TAOK2: variants seen among roughly 807,000 people sequenced by gnomAD.
TAOK2 encodes TAO kinase 2.
TAOK2 carries 42 observed loss-of-function variants against 122.5 expected under a neutral mutation model. The ratio of observed to expected loss-of-function variants is 0.34; its 90% CI spans 0.27 to 0.44. The LOEUF is 0.44. TAOK2 is among the 20% of genes least tolerant of loss of function. The pLI is 1.00. For missense variants in TAOK2, 1,264 were observed against 1,644.9 expected (o/e 0.77, Z 4.01); for synonymous variants, 704 against 677.6 (o/e 1.04, Z -0.61).
rs1272669977 is a variant in TAOK2 at position 29,987,434 on chromosome 16, A to G, written c.3162A>G (p.Pro1054=). The change falls in exon 16 of 16, where the codon CCA becomes CCG. Residue 1054 remains proline, a synonymous_variant. Coordinates refer to ENST00000308893, the MANE Select transcript of TAOK2 (RefSeq NM_016151.4). ...GAGCTGCCTGGCTCTTAGCTTGGCC[A>G]GGCCTAGCTCTACCTCTGGTGGCTA... ...GLGAAWLLAW[P]GLALPLVAMA... 1 of 1,602,548 alleles carries G rather than the reference A, an allele frequency of 6.2e-7. No homozygotes were observed. The highest frequency in any genetic ancestry group is 8.5e-7 in the Non-Finnish European group (1 of 1,172,860).
downstream of TAOK2, chr16:29,989,000 G>T (rs1468291164): frequency 1.0e-6 from 1 of 985,188 alleles, no homozygotes; most frequent in Non-Finnish European, 1.2e-6. Flanking sequence ...CCCAAAATGG[G>T]GCAGCCCCTT....
In TAOK2 at chr16:29,988,165, A is replaced by G. The variant is rs2069875018; in HGVS notation, c.*185A>G. 2.1e-6 allele frequency: 3 copies of G among 1,431,204 alleles called. No homozygotes were observed. Among genetic ancestry groups the G allele is most frequent in the Non-Finnish European group, 2.7e-6 (3 of 1,098,108 alleles). 88.7% of individuals were successfully genotyped at this position (1,431,204 alleles called of 1,614,324 possible). On this transcript the variant is annotated 3_prime_UTR_variant, in exon 16 of 16. Transcript: ENST00000308893. ...TCCTCAGCTGTGGAGTCCAGCAGTC[A>G]CTCTGTGTTCTCCTGGCGCTCCTCC...
At chr16:29,988,915 A>G (rs376490236), downstream of TAOK2, 233 of 985,352 alleles carry the variant, frequency 2.4e-4, 3 homozygotes, top group African/African-American at 3.8e-3. Context: ...GGATCTGGTC[A>G]GGGTGGTAGC....
rs769442595 is a variant in TAOK2 at position 29,987,224 on chromosome 16, C to G, written c.2952C>G (p.Gly984=). ...TGCTGGCAGCCCAGGGTGGGGGTGG[C>G]CTGCAGGCAGCGCTGCTGGCCCTTG... The part of the protein sequence containing the change: ...LPLLAAQGGG[G]LQAALLALEV... Residue 984 remains glycine, a synonymous_variant, in exon 16 of 16, where the codon GGC becomes GGG. Transcript: ENST00000308893. 1.3e-6 allele frequency: 2 copies of G among 1,542,958 alleles called. No homozygotes were observed. The highest frequency in any genetic ancestry group is 2.8e-5 in the African/African-American group (2 of 72,240).
At chr16:29,988,882 T>C (rs569611995), downstream of TAOK2, 83 of 985,126 alleles carry the variant, frequency 8.4e-5, no homozygotes, top group African/African-American at 1.4e-3. Context: ...GAGCTGAGTG[T>C]GTGAGGGGCC....
At chr16:29,983,789 G>C in intron 13 of TAOK2, 125 bp downstream of exon 13, 1 of 1,427,390 alleles carries the variant, frequency 7.0e-7, no homozygotes, top group East Asian at 2.3e-5. Context: ...TTCTGTTGCT[G>C]GCTCCTGCCT....
chr16:29,991,923 CAGTG>C (rs2069979387), downstream of TAOK2: 1 of 180,602 alleles, frequency 5.5e-6, no homozygotes. This position sits in a 1 kb window ranked among gnomAD's most constrained non-coding sequence, Gnocchi z 5.6. Context: ...ACTACCCTCA[CAGTG>C]AGGCCCTCAG....
In TAOK2 at chr16:29,983,068, G is replaced by A. The variant is rs749481985; in HGVS notation, c.1000-4G>A. On this transcript the variant is annotated splice_region_variant and splice_polypyrimidine_tract_variant and intron_variant, in intron 11 of 15. Transcript: ENST00000308893. ...CTGTCCAGCAGCCTACGCCCTGTTC[G>A]CAGGAGGCCGAGCCCTACATGCACC... is the stretch of plus-strand genomic sequence containing the variant. The A allele has an allele frequency of 5.6e-6, 9 of 1,613,626 alleles. No homozygotes were observed. The highest frequency in any genetic ancestry group is 1.3e-5 in the African/African-American group (1 of 74,852).
Position 29,978,794 on chromosome 16 carries a change from C to T in TAOK2, c.307-5C>T. ...TCTGATCTCTGACCCTTGTCTCTTC[C>T]TTAGCTGGTAATGGAGTATTGCCTG... is the stretch of plus-strand genomic sequence containing the variant. On this transcript the variant is annotated splice_region_variant and splice_polypyrimidine_tract_variant and intron_variant, in intron 4 of 15. Coordinates refer to ENST00000308893, the MANE Select transcript of TAOK2 (RefSeq NM_016151.4). 6.2e-7 allele frequency: 1 copy of T among 1,614,094 alleles called. No homozygotes were observed. The highest frequency in any genetic ancestry group is 8.5e-7 in the Non-Finnish European group (1 of 1,180,018).
intron 4 of TAOK2, among the ~76,000 whole-genome samples, chr16:29,978,566 T>G (rs1029043437): frequency 2.0e-5 from 3 of 152,122 alleles, no homozygotes; most frequent in African/African-American, 7.2e-5. Flanking sequence ...CAGGTCACTG[T>G]GGGCTGGAGA....
downstream of TAOK2, chr16:29,990,125 G>T (rs995465780): frequency 1.7e-5 from 5 of 291,366 alleles, no homozygotes; most frequent in African/African-American, 8.6e-5. Flanking sequence ...ATTAAAGTGA[G>T]TGTGGCCCTC....
downstream of TAOK2, chr16:29,990,939 G>A (rs779811486): frequency 7.4e-6 from 12 of 1,612,646 alleles, no homozygotes; most frequent in African/African-American, 1.1e-4. Context: ...AGAGGGTCGC[G>A]CTGCGGCGGG....
chr16:29,988,905 G>A (rs555228623), downstream of TAOK2: 114 of 985,366 alleles, frequency 1.2e-4, 2 homozygotes, highest in South Asian at 4.2e-3. Context: ...GCTGGAATGC[G>A]GATCTGGTCA....
rs533483756 is a variant in TAOK2, at chr16:29,979,865, A to G, written c.655+357A>G. ...AACCAGGCAGGCATGTTTTCTTTCA[A>G]TGTGATGAACGCTGTGTGGAGAAGT... is the stretch of plus-strand genomic sequence containing the variant. On this transcript the variant is annotated intron_variant, in intron 8 of 15. Coordinates refer to ENST00000308893, the MANE Select transcript of TAOK2 (RefSeq NM_016151.4). The surrounding 1 kb of genome is among the most constrained non-coding windows in gnomAD (Gnocchi z 4.1). 2.0e-5 allele frequency among the ~76,000 whole-genome samples: 3 copies of G among 152,340 alleles called. No homozygotes were observed. The highest frequency in any genetic ancestry group is 3.9e-4 in the East Asian group (2 of 5,184).
chr16:29,975,926 C>T (rs935885093), intron 1 of TAOK2, among the ~76,000 whole-genome samples: 4 of 152,218 alleles, frequency 2.6e-5, no homozygotes, highest in African/African-American at 9.7e-5. Context: ...AGCCCTGTTG[C>T]TGTACATTGC....
rs762500983 is a variant in TAOK2, at chr16:29,988,384, C to T, written c.*404C>T. On this transcript the variant is annotated 3_prime_UTR_variant, in exon 16 of 16. Coordinates refer to ENST00000308893, the MANE Select transcript of TAOK2 (RefSeq NM_016151.4). ...AAAAAGACAAACACAAATAAAATATCTGAGCGGAACTGTGCCTTTGGCCCA... is the reference window on the plus strand; with the variant it reads ...AAAAAGACAAACACAAATAAAATATTTGAGCGGAACTGTGCCTTTGGCCCA... The T allele has an allele frequency of 7.6e-7, 1 of 1,312,442 alleles. No individual in the cohort carries two copies. The highest frequency in any genetic ancestry group is 1.0e-6 in the Non-Finnish European group (1 of 1,004,802). The allele number at this position is 1,312,442 out of a possible 1,614,324, so 81.3% of individuals were successfully genotyped here.
At chr16:29,989,888 G>T, downstream of TAOK2, 1 of 1,423,428 alleles carries the variant, frequency 7.0e-7, no homozygotes, top group Non-Finnish European at 9.6e-7. Context: ...TGCAGGGCAT[G>T]CACAGAGCTG....
In TAOK2 at chr16:29,987,501, G is replaced by C. The variant is rs756165206; in HGVS notation, c.3229G>C (p.Val1077Leu). The C allele has an allele frequency of 3.1e-6, 5 of 1,599,630 alleles. No individual in the cohort carries two copies. The highest frequency in any genetic ancestry group is 4.3e-6 in the Non-Finnish European group (5 of 1,171,614). ...ATGGGTGCGGCAGCAGGGCCCCCGG[G>C]TGCGCCGGGGCATATCTCGACTCTG... is the stretch of plus-strand genomic sequence containing the variant. ...GRWVRQQGPR[V>L]RRGISRLWLR... Residue 1077 changes from valine to leucine, a missense_variant, in exon 16 of 16, where the codon GTG becomes CTG. By Grantham distance (32) the Val-to-Leu change is conservative. Transcript: ENST00000308893.
rs563932924 is a variant in TAOK2, at chr16:29,979,899, C to T, written c.655+391C>T. Among the ~76,000 whole-genome samples, 5 of 152,250 alleles carry T rather than the reference C, an allele frequency of 3.3e-5. No homozygotes were observed. The highest frequency in any genetic ancestry group is 3.9e-4 in the East Asian group (2 of 5,180). On this transcript the variant is annotated intron_variant, in intron 8 of 15. Transcript: ENST00000308893. This position sits in a 1 kb window ranked among gnomAD's most constrained non-coding sequence, Gnocchi z 4.1. ...ACGCTGTGTGGAGAAGTTACAGGAG[C>T]GGTTCAAATGTAAAACAGGGGACTT...
Sources: allele counts gnomAD v4.1 joint callset (sites outside exome capture counted in the v4.1 genomes callset), GRCh38; gene constraint gnomAD v4.1.1; non-coding constraint Gnocchi (gnomAD v3.1); transcripts MANE v1.5; gene names NCBI Gene and HGNC (gene_info 2026-07-23, HGNC 2026-07-21).